The following BRMS1L variants were observed in gnomAD, a reference collection of about 807,000 sequenced individuals.
The protein encoded by BRMS1L is BRMS1 like transcriptional repressor, also known as breast cancer metastasis-suppressor 1-like protein.
Under a neutral mutation model 50.3 loss-of-function variants are expected in BRMS1L, and 23 were observed. That is an observed-to-expected ratio of 0.46 (90% CI 0.33 to 0.65). The LOEUF is 0.65. BRMS1L is among the 30% of genes least tolerant of loss of function. BRMS1L has a pLI of 0.02. For synonymous variants in BRMS1L, 114 were observed against 126.9 expected (o/e 0.90, Z 0.69); for missense variants, 286 against 386.1 (o/e 0.74, Z 2.17).
In BRMS1L at chr14:35,833,141, G is replaced by A. The variant is rs747998404; in HGVS notation, c.361+36G>A. ...GAAGAATCTTTTCCATATATAGAAT[G>A]TAAACTCTTCAGTAGCTTTAAAAGG... is the stretch of plus-strand genomic sequence containing the variant. On this transcript the variant is annotated intron_variant, in intron 3 of 9. Coordinates refer to ENST00000216807, the MANE Select transcript of BRMS1L (RefSeq NM_032352.4). The A allele has an allele frequency of 1.3e-5, 21 of 1,581,828 alleles. No individual in the cohort carries two copies. In the South Asian group the frequency reaches 1.8e-4, roughly 14 times the overall value.
chr14:35,860,600 A>G (rs995155412), intron 4 of BRMS1L, among the ~76,000 whole-genome samples: 3 of 150,184 alleles, frequency 2.0e-5, no homozygotes, highest in Non-Finnish European at 4.4e-5. Context: ...AAAAAAAACT[A>G]TTGTAGCGTT....
chr14:35,840,520 G>C (rs536139467), intron 4 of BRMS1L, among the ~76,000 whole-genome samples: 1 of 152,086 alleles, frequency 6.6e-6, no homozygotes, highest in African/African-American at 2.4e-5. Context: ...TGGTTGGTAG[G>C]CTATTAATTA....
chr14:35,830,061 T>C (rs1038907338), intron 1 of BRMS1L, among the ~76,000 whole-genome samples: 1 of 152,186 alleles, frequency 6.6e-6, no homozygotes, highest in African/African-American at 2.4e-5. Context: ...TTTTCCTTTT[T>C]CTTTTTCTTT....
At chr14:35,867,408 T>C (rs1002054308) in intron 8 of BRMS1L, among the ~76,000 whole-genome samples, 1 of 152,190 alleles carries the variant, frequency 6.6e-6, no homozygotes, top group African/African-American at 2.4e-5. Context: ...GTATGAGTTA[T>C]CTGACTAATG....
At chr14:35,832,173 C>T (rs374410591) in intron 2 of BRMS1L, among the ~76,000 whole-genome samples, 6 of 151,978 alleles carry the variant, frequency 3.9e-5, no homozygotes, top group Non-Finnish European at 7.4e-5. Context: ...ATTGGTTTTA[C>T]CTTCATTAGT....
chr14:35,865,122 C>G, intron 7 of BRMS1L, 123 bp downstream of exon 7: 2 of 655,634 alleles, frequency 3.1e-6, no homozygotes, highest in Non-Finnish European at 5.0e-6. Context: ...CAACATTTTT[C>G]TAAGGCAATT....
chr14:35,849,067 G>A (rs990276061), intron 4 of BRMS1L, among the ~76,000 whole-genome samples: 1 of 151,956 alleles, frequency 6.6e-6, no homozygotes, highest in East Asian at 1.9e-4. Context: ...TGTTGCCCAG[G>A]CTGGTCTCAA....
At chr14:35,868,655 G>T (rs2078451015) in intron 9 of BRMS1L, among the ~76,000 whole-genome samples, 1 of 152,216 alleles carries the variant, frequency 6.6e-6, no homozygotes, top group South Asian at 2.1e-4. Context: ...GGAGGTGTGT[G>T]CTTATAGTCC....
chr14:35,854,707 A>G (rs1398862337), intron 4 of BRMS1L, among the ~76,000 whole-genome samples: 2 of 152,102 alleles, frequency 1.3e-5, no homozygotes, highest in Non-Finnish European at 2.9e-5. Flanking sequence ...TATTTCTTTC[A>G]TATCTCACAG....
At chr14:35,856,563 A>C (rs2078281376) in intron 4 of BRMS1L, among the ~76,000 whole-genome samples, 1 of 149,556 alleles carries the variant, frequency 6.7e-6, no homozygotes, top group African/African-American at 2.5e-5. Flanking sequence ...AATCAACTAT[A>C]ATCTTCCAAC....
intron 4 of BRMS1L, among the ~76,000 whole-genome samples, chr14:35,836,512 T>A (rs1408899366): frequency 6.6e-6 from 1 of 152,068 alleles, no homozygotes; most frequent in East Asian, 1.9e-4. Flanking sequence ...AGCTAATTTT[T>A]AAAATTTTTT....
At chr14:35,857,070 G>A (rs953070318) in intron 4 of BRMS1L, among the ~76,000 whole-genome samples, 6 of 151,604 alleles carry the variant, frequency 4.0e-5, no homozygotes, top group African/African-American at 1.2e-4. Flanking sequence ...ATGAAACCCC[G>A]TCTGTACCAA....
At chr14:35,853,525 T>G (rs1214752412) in intron 4 of BRMS1L, among the ~76,000 whole-genome samples, 1 of 151,968 alleles carries the variant, frequency 6.6e-6, no homozygotes, top group African/African-American at 2.4e-5. Context: ...GCAGTCCTCT[T>G]GCCCCAGCCT....
At chr14:35,851,651 A>G (rs879549567) in intron 4 of BRMS1L, among the ~76,000 whole-genome samples, 1 of 152,216 alleles carries the variant, frequency 6.6e-6, no homozygotes, top group South Asian at 2.1e-4. Flanking sequence ...ATTGAGAGAA[A>G]TAAGTGTTGG....
chr14:35,861,809 C>G (rs1380512457), intron 4 of BRMS1L, among the ~76,000 whole-genome samples: 1 of 152,230 alleles, frequency 6.6e-6, no homozygotes, highest in African/African-American at 2.4e-5. Flanking sequence ...TTCCGCAAGA[C>G]AGTCATATCT....
chr14:35,870,689 TTA>T lies in BRMS1L; in HGVS notation c.*213_*214del, dbSNP rs2078480316. On this transcript the variant is annotated 3_prime_UTR_variant, in exon 10 of 10. Coordinates refer to ENST00000216807, the MANE Select transcript of BRMS1L (RefSeq NM_032352.4). ...CACGATCCTTACGTTGATTTGCCTC[TTA>T]GGTCCGATGACCAATAGGTATTCTG... The T allele has an allele frequency of 6.8e-6, 2 of 293,292 alleles. No individual in the cohort carries two copies. Among genetic ancestry groups the T allele is most frequent in the Admixed American group, 1.0e-4 (2 of 19,414 alleles). The allele number at this position is 293,292 out of a possible 1,614,324, so 18.2% of individuals were successfully genotyped here.
At chr14:35,869,519 C>G (rs1395291925) in intron 9 of BRMS1L, among the ~76,000 whole-genome samples, 1 of 142,836 alleles carries the variant, frequency 7.0e-6, no homozygotes, top group Non-Finnish European at 1.5e-5. Context: ...GAAACCCAGT[C>G]TCAAAAAAAA....
Position 35,870,772 on chromosome 14 carries a change from C to G in BRMS1L, c.*295C>G, listed in dbSNP as rs2078481623. ...TTCTTTGGTTTTAAAAAAAGTTATGCAAATTTGTCTTATCTTTAGTAAACT... is the reference window on the plus strand; with the variant it reads ...TTCTTTGGTTTTAAAAAAAGTTATGGAAATTTGTCTTATCTTTAGTAAACT... On this transcript the variant is annotated 3_prime_UTR_variant, in exon 10 of 10. Transcript: ENST00000216807. 6.1e-6 allele frequency: 1 copy of G among 164,436 alleles called. No individual in the cohort carries two copies. The highest frequency in any genetic ancestry group is 2.4e-5 in the African/African-American group (1 of 41,832). 10.2% of individuals were successfully genotyped at this position (164,436 alleles called of 1,614,324 possible). A position where few individuals can be genotyped will look rare whatever the true frequency, so the allele number is the denominator to read the frequency against.
intron 1 of BRMS1L, chr14:35,829,699 A>G (rs2077893163): frequency 2.2e-6 from 1 of 462,016 alleles, no homozygotes; most frequent in South Asian, 2.3e-5. Flanking sequence ...CAAAAGCCAG[A>G]AGTATTTTTA....
Sources: gnomAD v4.1 joint callset for allele counts (sites outside exome capture counted in the v4.1 genomes callset) on GRCh38, gnomAD v4.1.1 for gene constraint, MANE v1.5 for transcripts, NCBI Gene and HGNC (gene_info 2026-07-23, HGNC 2026-07-21) for gene names.